The following NT5DC3 variants were observed in gnomAD, a reference collection of about 807,000 sequenced individuals.
NT5DC3 encodes the protein 5'-nucleotidase domain containing 3.
A neutral mutation model predicts 67.8 loss-of-function variants in NT5DC3; 42 were observed. The observed-to-expected ratio is 0.62, with a 90% confidence interval of 0.48 to 0.80. The LOEUF (loss-of-function observed/expected upper bound fraction) is 0.80, where lower values mean the gene tolerates loss of function less well. NT5DC3 is among the 30% of genes least tolerant of loss of function. The pLI is 0.00. For missense variants in NT5DC3, 570 were observed against 696.4 expected (o/e 0.82, Z 2.04); for synonymous variants, 237 against 255.6 (o/e 0.93, Z 0.69).
intron 1 of NT5DC3, among the ~76,000 whole-genome samples, chr12:103,837,868 C>T (rs969213095): frequency 6.6e-6 from 1 of 152,210 alleles, no homozygotes; most frequent in Admixed American, 6.5e-5. Flanking sequence ...GCCTGTTACC[C>T]AGCTCCAAAG....
intron 6 of NT5DC3, among the ~76,000 whole-genome samples, chr12:103,795,124 C>T (rs965073133): frequency 2.6e-5 from 4 of 152,172 alleles, no homozygotes; most frequent in African/African-American, 9.7e-5. Flanking sequence ...AATTTCACAC[C>T]AGCAGCAGAA....
At chr12:103,750,308 T>C in the NT5DC3 span, among the ~76,000 whole-genome samples, 5 of 152,126 alleles carry the variant, frequency 3.3e-5, no homozygotes, top group African/African-American at 1.2e-4. Context: ...CAGGCCAATG[T>C]GATAGAAGGG....
chr12:103,794,649 G>A (rs1277013107), intron 6 of NT5DC3, among the ~76,000 whole-genome samples: 1 of 152,256 alleles, frequency 6.6e-6, no homozygotes, highest in African/African-American at 2.4e-5. Context: ...TGGACAAAGG[G>A]AGTTATTGCT....
chr12:103,837,713 C>T (rs947580952), intron 1 of NT5DC3, among the ~76,000 whole-genome samples: 1 of 152,250 alleles, frequency 6.6e-6, no homozygotes, highest in African/African-American at 2.4e-5. Context: ...TCCTCACCTA[C>T]ATCTGAGACT....
chr12:103,764,977 A>G, the NT5DC3 span, among the ~76,000 whole-genome samples: 2 of 151,506 alleles, frequency 1.3e-5, no homozygotes, highest in East Asian at 3.9e-4. Flanking sequence ...AATCCCAGCT[A>G]CACGGGAGGC....
chr12:103,818,785 G>C (rs1203934262), intron 1 of NT5DC3, among the ~76,000 whole-genome samples: 7 of 152,322 alleles, frequency 4.6e-5, no homozygotes, highest in Non-Finnish European at 1.0e-4. Context: ...GGGAAGAGGA[G>C]AAGCTGGCAG....
At chr12:103,794,366 TCTC>T (rs1302671598) in intron 6 of NT5DC3, among the ~76,000 whole-genome samples, 3 of 152,054 alleles carry the variant, frequency 2.0e-5, no homozygotes, top group African/African-American at 7.2e-5. Context: ...GCCAGGCTGG[TCTC>T]CAACTCCTGG....
the NT5DC3 span, chr12:103,762,212 G>C: frequency 1.3e-6 from 2 of 1,597,692 alleles, no homozygotes; most frequent in African/African-American, 1.4e-5. Context: ...GGCCACCAAG[G>C]GTTCCCCTTT....
At chr12:103,759,915 C>T in the NT5DC3 span, among the ~76,000 whole-genome samples, 1 of 152,146 alleles carries the variant, frequency 6.6e-6, no homozygotes, top group Non-Finnish European at 1.5e-5. Flanking sequence ...GGATCAAGAG[C>T]TTATTTACTT....
the NT5DC3 span, among the ~76,000 whole-genome samples, chr12:103,761,743 A>G: frequency 6.6e-6 from 1 of 152,094 alleles, no homozygotes; most frequent in African/African-American, 2.4e-5. Flanking sequence ...CTGAGTCCCA[A>G]TTTTCTCATC....
intron 1 of NT5DC3, among the ~76,000 whole-genome samples, chr12:103,828,437 C>A (rs1887783966): frequency 6.6e-6 from 1 of 152,174 alleles, no homozygotes; most frequent in Non-Finnish European, 1.5e-5. Flanking sequence ...GCATGTTTCT[C>A]CCTTAAATCT....
intron 2 of NT5DC3, among the ~76,000 whole-genome samples, chr12:103,810,349 A>G (rs1886979879): frequency 6.6e-6 from 1 of 152,210 alleles, no homozygotes; most frequent in Admixed American, 6.5e-5. Flanking sequence ...ACCTGTTAAC[A>G]GTGACATCCA....
intron 6 of NT5DC3, among the ~76,000 whole-genome samples, chr12:103,796,553 G>A (rs1349735783): frequency 2.6e-5 from 4 of 152,124 alleles, no homozygotes; most frequent in Admixed American, 2.0e-4. Context: ...ACCCTTGCTC[G>A]GGCAGACTCA....
At position 103,841,205 on chromosome 12, in the gene NT5DC3, G is replaced by C. The variant is rs1366622423; in HGVS notation, c.-49C>G. On this transcript the variant is annotated 5_prime_UTR_variant, in exon 1 of 14. Transcript: ENST00000392876. Reference sequence around the variant, plus strand: ...GCCGCCGCGCCGCTCTGCGACTGCTGCTGCCCGGCCCAAGATCTACCCGCG... The same window carrying C: ...GCCGCCGCGCCGCTCTGCGACTGCTCCTGCCCGGCCCAAGATCTACCCGCG... 1.2e-5 allele frequency: 7 copies of C among 566,796 alleles called. No homozygotes were observed. Among genetic ancestry groups the C allele is most frequent in the Non-Finnish European group, 2.1e-5 (7 of 327,762 alleles). 35.1% of individuals were successfully genotyped at this position (566,796 alleles called of 1,614,324 possible).
At chr12:103,798,520 A>G in intron 5 of NT5DC3, 67 bp downstream of exon 5, 1 of 1,066,586 alleles carries the variant, frequency 9.4e-7, no homozygotes, top group Non-Finnish European at 1.5e-6. Context: ...GCAGTAGGTA[A>G]GTTCGACAAG....
intron 2 of NT5DC3, among the ~76,000 whole-genome samples, chr12:103,814,153 T>A (rs1887149832): frequency 6.6e-6 from 1 of 152,254 alleles, no homozygotes; most frequent in Non-Finnish European, 1.5e-5. Context: ...CTACTCATCT[T>A]TATCTTCCCA....
chr12:103,803,697 T>C (rs1388149098), intron 4 of NT5DC3, among the ~76,000 whole-genome samples: 1 of 152,182 alleles, frequency 6.6e-6, no homozygotes, highest in Admixed American at 6.5e-5. Flanking sequence ...TCCCCATCAT[T>C]TAGCTTCCAC....
At position 103,840,907 on chromosome 12, in the gene NT5DC3, G is replaced by A. The variant is rs887774258; in HGVS notation, c.208+42C>T. ...GCCCGCTTCCCAGCTGAGCGCGCAG[G>A]AGGGGCCCCAGGCGCCGGGGCGGGG... On this transcript the variant is annotated intron_variant, in intron 1 of 13. Coordinates refer to ENST00000392876, the MANE Select transcript of NT5DC3 (RefSeq NM_001031701.3). The A allele has an allele frequency of 8.9e-6, 11 of 1,236,554 alleles. No homozygotes were observed. In the Admixed American group the frequency reaches 3.6e-4, roughly 40 times the overall value. The allele number at this position is 1,236,554 out of a possible 1,614,324, so 76.6% of individuals were successfully genotyped here.
chr12:103,787,035 C>T (rs551558113), intron 11 of NT5DC3, among the ~76,000 whole-genome samples: 38 of 152,234 alleles, frequency 2.5e-4, no homozygotes, highest in African/African-American at 9.1e-4. Context: ...CCTAATAATA[C>T]ATGAAAACCT....
Sources: gnomAD v4.1 joint callset for allele counts (sites outside exome capture counted in the v4.1 genomes callset) on GRCh38, gnomAD v4.1.1 for gene constraint, MANE v1.5 for transcripts, NCBI Gene and HGNC (gene_info 2026-07-23, HGNC 2026-07-21) for gene names.